WDR70: variants seen among roughly 807,000 people sequenced by gnomAD.
The protein encoded by WDR70 is WD repeat-containing protein 70.
A neutral mutation model predicts 88.6 loss-of-function variants in WDR70; 53 were observed. The observed-to-expected ratio is 0.60, with a 90% CI of 0.48 to 0.75. The LOEUF is 0.75. Ranked by LOEUF, WDR70 falls within the 30% of genes least tolerant of loss-of-function variation. The pLI, the probability that WDR70 is intolerant of heterozygous loss-of-function variation, is 0.00. For missense variants in WDR70, 610 were observed against 823.2 expected, an observed-to-expected ratio of 0.74 and a Z score of 3.17; for synonymous variants, 280 against 270.0, an observed-to-expected ratio of 1.04 and a Z score of -0.36.
At chr5:37,611,410 G>C (rs1744186321) in intron 10 of WDR70, among the ~76,000 whole-genome samples, 1 of 151,992 alleles carries the variant, frequency 6.6e-6, no homozygotes, top group African/African-American at 2.4e-5. Context: ...TACTAAGCTA[G>C]ATTGTTAGCA....
At chr5:37,702,899 A>G in intron 12 of WDR70, 50 bp from the exon 13 acceptor site, 1 of 1,544,632 alleles carries the variant, frequency 6.5e-7, no homozygotes, top group Non-Finnish European at 8.8e-7. Context: ...TGATTGCTGG[A>G]CTGTTGTGGA....
At chr5:37,600,259 G>T (rs910319907) in intron 9 of WDR70, among the ~76,000 whole-genome samples, 3 of 152,132 alleles carry the variant, frequency 2.0e-5, no homozygotes, top group African/African-American at 7.2e-5. Context: ...TGGGTGCAGT[G>T]GCTCACTCCT....
rs1250049720 is a variant in WDR70 at position 37,499,531 on chromosome 5, TA to T, written c.841-16978del. On this transcript the variant is annotated intron_variant, in intron 8 of 17. Transcript: ENST00000265107. ...TAATGTTTGTTTTTCAGTTTTTTTTTAAAAATATATATATTCTCAACTTAAG... is the reference window on the plus strand; with the variant it reads ...TAATGTTTGTTTTTCAGTTTTTTTTTAAAATATATATATTCTCAACTTAAG... Among the ~76,000 whole-genome samples, 160 of 133,068 alleles carry T rather than the reference TA, an allele frequency of 1.2e-3. 3 individuals carry two copies. Among genetic ancestry groups the T allele is most frequent in the African/African-American group, 3.4e-3 (126 of 36,866 alleles). 87.3% of individuals were successfully genotyped at this position (133,068 alleles called of 152,430 possible). A position where few individuals can be genotyped will look rare whatever the true frequency, so the allele number is the denominator to read the frequency against.
At chr5:37,420,749 T>G (rs924447464) in intron 5 of WDR70, among the ~76,000 whole-genome samples, 7 of 151,868 alleles carry the variant, frequency 4.6e-5, no homozygotes, top group African/African-American at 1.7e-4. Context: ...CCGTCTCTAC[T>G]AAAAATACAA....
chr5:37,548,362 T>C (rs1258960807), intron 9 of WDR70, among the ~76,000 whole-genome samples: 1 of 152,160 alleles, frequency 6.6e-6, no homozygotes, highest in Non-Finnish European at 1.5e-5. Context: ...ATATCTCTTG[T>C]TTTTATTTTC....
intron 10 of WDR70, among the ~76,000 whole-genome samples, chr5:37,666,244 G>C (rs1231830194): frequency 6.6e-6 from 1 of 152,214 alleles, no homozygotes. Flanking sequence ...TGTTTCTTAT[G>C]TGACATAGAC....
intron 5 of WDR70, among the ~76,000 whole-genome samples, chr5:37,435,722 T>TA (rs1449656500): frequency 6.6e-6 from 1 of 152,208 alleles, no homozygotes; most frequent in Non-Finnish European, 1.5e-5. Context: ...GCCTCTCACT[T>TA]ACCAGGCTGG....
intron 10 of WDR70, among the ~76,000 whole-genome samples, chr5:37,667,792 T>A (rs1212157739): frequency 7.2e-6 from 1 of 138,984 alleles, no homozygotes; most frequent in East Asian, 2.2e-4. Flanking sequence ...TATATGTTTC[T>A]CCAGTGAGGT....
intron 7 of WDR70, among the ~76,000 whole-genome samples, chr5:37,467,661 T>C (rs1425696077): frequency 6.6e-6 from 1 of 151,750 alleles, no homozygotes; most frequent in African/African-American, 2.4e-5. Flanking sequence ...GTCAGCCTCC[T>C]CAGTAGCTGG....
At chr5:37,624,919 A>G (rs1193157587) in intron 10 of WDR70, among the ~76,000 whole-genome samples, 2 of 152,180 alleles carry the variant, frequency 1.3e-5, no homozygotes, top group Non-Finnish European at 2.9e-5. Context: ...CAGACAAACA[A>G]TGTAGGTCAG....
At chr5:37,555,298 A>G (rs887483952) in intron 9 of WDR70, among the ~76,000 whole-genome samples, 2 of 152,218 alleles carry the variant, frequency 1.3e-5, no homozygotes, top group African/African-American at 4.8e-5. Context: ...TAAGCATTAA[A>G]TGAATTCTAT....
intron 5 of WDR70, among the ~76,000 whole-genome samples, chr5:37,416,658 C>A (rs1749766591): frequency 6.6e-6 from 1 of 151,228 alleles, no homozygotes; most frequent in Non-Finnish European, 1.5e-5. Context: ...CGGCTCACTG[C>A]AAGCCCCACC....
chr5:37,434,254 C>T (rs1000352864), intron 5 of WDR70, among the ~76,000 whole-genome samples: 2 of 152,156 alleles, frequency 1.3e-5, no homozygotes, highest in Non-Finnish European at 2.9e-5. Context: ...GAAACTGCCC[C>T]CATGATCCAG....
chr5:37,711,130 T>G (rs1747500402), intron 13 of WDR70, among the ~76,000 whole-genome samples: 1 of 152,120 alleles, frequency 6.6e-6, no homozygotes, highest in African/African-American at 2.4e-5. Flanking sequence ...GCTGCACATT[T>G]GGAGGGACAT....
intron 10 of WDR70, among the ~76,000 whole-genome samples, chr5:37,678,608 G>T (rs1456687695): frequency 2.0e-5 from 3 of 152,210 alleles, no homozygotes; most frequent in Non-Finnish European, 4.4e-5. Context: ...TCCGCTGTTA[G>T]TCTGATGGGC....
At chr5:37,401,506 G>A (rs750587891) in intron 5 of WDR70, among the ~76,000 whole-genome samples, 10 of 150,794 alleles carry the variant, frequency 6.6e-5, no homozygotes, top group Admixed American at 1.3e-4. Context: ...TAGTAGAGAC[G>A]GAGTTTCACC....
intron 10 of WDR70, among the ~76,000 whole-genome samples, chr5:37,679,060 C>T (rs566431091): frequency 2.0e-5 from 3 of 152,140 alleles, no homozygotes; most frequent in East Asian, 3.9e-4. Context: ...ACGTAGTTCT[C>T]GAGCCTTGGC....
chr5:37,725,896 T>C (rs868852548), intron 16 of WDR70, among the ~76,000 whole-genome samples: 1 of 152,108 alleles, frequency 6.6e-6, no homozygotes, highest in Non-Finnish European at 1.5e-5. Flanking sequence ...CAATTGTCTT[T>C]CCAGAGATTC....
At chr5:37,449,646 C>T (rs1401186582) in intron 7 of WDR70, among the ~76,000 whole-genome samples, 1 of 151,012 alleles carries the variant, frequency 6.6e-6, no homozygotes, top group Non-Finnish European at 1.5e-5. Flanking sequence ...AAATCAAATG[C>T]TCCAGGCTAT....
Sources: gnomAD v4.1 joint callset for allele counts (sites outside exome capture counted in the v4.1 genomes callset) on GRCh38, gnomAD v4.1.1 for gene constraint, MANE v1.5 for transcripts, NCBI Gene and HGNC (gene_info 2026-07-23, HGNC 2026-07-21) for gene names.